CACNA2D3: variants seen among roughly 807,000 people sequenced by gnomAD.
The protein encoded by CACNA2D3 is voltage-dependent calcium channel subunit alpha-2/delta-3.
Under a neutral mutation model 160.6 loss-of-function variants are expected in CACNA2D3, and 60 were observed. That is an observed-to-expected ratio of 0.37 (90% confidence interval 0.30 to 0.46). The LOEUF (loss-of-function observed/expected upper bound fraction) is 0.46. CACNA2D3 is among the 20% of genes least tolerant of loss of function. The probability of loss-of-function intolerance (pLI) is 1.00; values close to 1 mark genes in which losing one functional copy is unlikely to be tolerated. For synonymous variants in CACNA2D3, 558 were observed against 492.9 expected, an observed-to-expected ratio of 1.13 and a Z score of -1.75; for missense variants, 1,205 against 1,365.0, an observed-to-expected ratio of 0.88 and a Z score of 1.85.
chr3:54,277,612 C>CT (rs1254301493), intron 2 of CACNA2D3, among the ~76,000 whole-genome samples: 42 of 151,966 alleles, frequency 2.8e-4, no homozygotes, highest in Middle Eastern at 6.9e-3. Context: ...GCTCTACGGG[C>CT]TTTTTTTTGA....
intron 17 of CACNA2D3, among the ~76,000 whole-genome samples, chr3:54,860,943 A>G (rs995649358): frequency 2.6e-5 from 4 of 152,226 alleles, no homozygotes; most frequent in African/African-American, 9.6e-5. Context: ...AACATAGGTC[A>G]TTGTTATGCA....
At chr3:55,014,860 A>G (rs1703294703) in intron 34 of CACNA2D3, among the ~76,000 whole-genome samples, 1 of 152,230 alleles carries the variant, frequency 6.6e-6, no homozygotes, top group South Asian at 2.1e-4. Flanking sequence ...CACTCTAGAC[A>G]AAGTAAGTTC....
chr3:54,929,550 ACC>A (rs1046816772), intron 27 of CACNA2D3, among the ~76,000 whole-genome samples: 2 of 152,082 alleles, frequency 1.3e-5, no homozygotes, highest in African/African-American at 4.8e-5. Flanking sequence ...GCCCCTTGTC[ACC>A]CCACATAACC....
At position 54,969,803 on chromosome 3, in the gene CACNA2D3, G is replaced by A; in HGVS notation, c.2515G>A (p.Ala839Thr). The change falls in exon 29 of 38, where the codon GCT (alanine) becomes ACT (threonine). Residue 839 changes from alanine (A) to threonine (T), a missense_variant. Ala to Thr is a moderately conservative substitution (Grantham distance 58, BLOSUM62 0). This residue lies in a region of CACNA2D3 where 911 missense variants were observed against 1,002.2 expected (regional missense o/e 0.91). Transcript: ENST00000474759. Reference sequence around the variant, plus strand: ...CCTCCACTTTTTGCCTTCACAGTGTGCTTCCCTGGATGGCAAATGCTCCAT... The same window carrying A: ...CCTCCACTTTTTGCCTTCACAGTGTACTTCCCTGGATGGCAAATGCTCCAT... Reference protein sequence around the residue: ...RKFWTASRQCASLDGKCSISC... With the variant: ...RKFWTASRQCTSLDGKCSISC... The A allele has an allele frequency of 6.2e-7, 1 of 1,612,450 alleles. No homozygotes were observed.
intron 3 of CACNA2D3, among the ~76,000 whole-genome samples, chr3:54,385,272 G>A (rs1699169000): frequency 6.6e-6 from 1 of 152,168 alleles, no homozygotes. Flanking sequence ...CTGCCAGTGT[G>A]GGTCTGCACT....
chr3:54,164,941 G>A (rs1700422111), intron 2 of CACNA2D3, among the ~76,000 whole-genome samples: 1 of 152,096 alleles, frequency 6.6e-6, no homozygotes, highest in South Asian at 2.1e-4. Context: ...CTTAACCCAG[G>A]GCCTGGGCCA....
At chr3:54,362,684 C>G (rs1698762980) in intron 3 of CACNA2D3, among the ~76,000 whole-genome samples, 1 of 152,234 alleles carries the variant, frequency 6.6e-6, no homozygotes, top group Non-Finnish European at 1.5e-5. Flanking sequence ...GATTTGATTA[C>G]TACCAGCCTT....
chr3:54,743,626 A>G (rs998114715), intron 11 of CACNA2D3, among the ~76,000 whole-genome samples: 10 of 152,098 alleles, frequency 6.6e-5, no homozygotes, highest in Admixed American at 5.9e-4. Flanking sequence ...ACATAAGTCA[A>G]TTTTCTGATC....
At chr3:54,413,435 T>G (rs913744039) in intron 4 of CACNA2D3, among the ~76,000 whole-genome samples, 1 of 148,128 alleles carries the variant, frequency 6.8e-6, no homozygotes, top group Non-Finnish European at 1.5e-5. Flanking sequence ...TATATATATA[T>G]ATATCTGCTT....
At chr3:54,227,573 G>A (rs1701696946) in intron 2 of CACNA2D3, among the ~76,000 whole-genome samples, 1 of 151,746 alleles carries the variant, frequency 6.6e-6, no homozygotes, top group Non-Finnish European at 1.5e-5. Context: ...AGGGGGCGGG[G>A]GGGCAGAGTC....
At chr3:55,041,828 T>G (rs1372150999) in intron 35 of CACNA2D3, among the ~76,000 whole-genome samples, 1 of 152,136 alleles carries the variant, frequency 6.6e-6, no homozygotes, top group East Asian at 1.9e-4. Flanking sequence ...AGTGGTGATA[T>G]TCCACAGGTT....
chr3:55,014,961 C>T (rs530320445), intron 34 of CACNA2D3, among the ~76,000 whole-genome samples: 5 of 152,290 alleles, frequency 3.3e-5, no homozygotes, highest in South Asian at 4.1e-4. Context: ...AGCCAATAGT[C>T]GTGCTGCAAA....
intron 24 of CACNA2D3, among the ~76,000 whole-genome samples, chr3:54,889,312 A>G (rs897236546): frequency 1.3e-5 from 2 of 152,204 alleles, no homozygotes; most frequent in African/African-American, 4.8e-5. Context: ...AGATCTCTCT[A>G]TTGCTGTGTG....
At chr3:55,026,231 G>A (rs971483535) in intron 35 of CACNA2D3, among the ~76,000 whole-genome samples, 4 of 152,152 alleles carry the variant, frequency 2.6e-5, no homozygotes, top group Non-Finnish European at 5.9e-5. Flanking sequence ...AATTTGGCAG[G>A]TAAGATATGA....
intron 17 of CACNA2D3, among the ~76,000 whole-genome samples, chr3:54,869,073 C>A (rs1699467081): frequency 6.6e-6 from 1 of 152,176 alleles, no homozygotes; most frequent in Non-Finnish European, 1.5e-5. Flanking sequence ...AGTGGTGTGA[C>A]ACGGCAGAGC....
chr3:54,630,677 G>T (rs923763477), intron 10 of CACNA2D3, among the ~76,000 whole-genome samples: 13 of 152,218 alleles, frequency 8.5e-5, no homozygotes, highest in African/African-American at 2.9e-4. Context: ...GCATAATATT[G>T]TATGCTCCAA....
At chr3:54,873,532 A>T (rs1416775962) in intron 18 of CACNA2D3, among the ~76,000 whole-genome samples, 1 of 151,948 alleles carries the variant, frequency 6.6e-6, no homozygotes, top group Admixed American at 6.6e-5. Flanking sequence ...TCCTTTAGTA[A>T]TCACAGTTTG....
chr3:55,057,649 A>T (rs1246117405), intron 35 of CACNA2D3, among the ~76,000 whole-genome samples: 1 of 152,158 alleles, frequency 6.6e-6, no homozygotes, highest in Non-Finnish European at 1.5e-5. Flanking sequence ...GGAACAAAAC[A>T]CTTCTCATGG....
At chr3:55,022,683 C>T (rs1217060400) in intron 35 of CACNA2D3, among the ~76,000 whole-genome samples, 1 of 144,192 alleles carries the variant, frequency 6.9e-6, no homozygotes, top group East Asian at 2.2e-4. Context: ...CTTTCCCTTC[C>T]ATTGGATTGA....
Sources: gnomAD v4.1 joint callset for allele counts (sites outside exome capture counted in the v4.1 genomes callset) on GRCh38, gnomAD v4.1.1 for gene constraint, gnomAD v4.1.1 regional missense constraint, MANE v1.5 for transcripts, NCBI Gene and HGNC (gene_info 2026-07-23, HGNC 2026-07-21) for gene names.